SV2C: variants seen among roughly 807,000 people sequenced by gnomAD.
SV2C encodes solute carrier family 22 member B3.
SV2C carries 49 observed loss-of-function variants against 79.7 expected under a neutral mutation model. The ratio of observed to expected loss-of-function variants is 0.61; its 90% CI spans 0.49 to 0.78. The LOEUF (loss-of-function observed/expected upper bound fraction) is 0.78, where lower values mean the gene tolerates loss of function less well. Among genes scored for constraint, SV2C ranks in the 30% least tolerant of loss-of-function variants. The probability of loss-of-function intolerance (pLI) is 0.00; values close to 1 mark genes in which losing one functional copy is unlikely to be tolerated. For missense variants in SV2C, 833 were observed against 912.9 expected, an observed-to-expected ratio of 0.91 and a Z score of 1.13; for synonymous variants, 334 against 333.2, an observed-to-expected ratio of 1.00 and a Z score of -0.03.
the SV2C span, among the ~76,000 whole-genome samples, chr5:75,898,254 T>A: frequency 6.6e-6 from 1 of 152,130 alleles, no homozygotes; most frequent in Non-Finnish European, 1.5e-5. Context: ...TCAATATCTA[T>A]TTTATTGAGA....
the SV2C span, among the ~76,000 whole-genome samples, chr5:75,885,720 C>T: frequency 6.6e-6 from 1 of 152,152 alleles, no homozygotes; most frequent in South Asian, 2.1e-4. Context: ...AGCTAACATT[C>T]TTTTTTCTTG....
chr5:76,103,698 CTGTT>C (rs1219566583), intron 1 of SV2C, among the ~76,000 whole-genome samples: 7 of 152,182 alleles, frequency 4.6e-5, no homozygotes, highest in Non-Finnish European at 7.3e-5. Flanking sequence ...GGCACCTAGA[CTGTT>C]TGTATGCATT....
At chr5:76,309,072 C>A (rs1366407315) in intron 12 of SV2C, among the ~76,000 whole-genome samples, 2 of 151,804 alleles carry the variant, frequency 1.3e-5, no homozygotes, top group Admixed American at 1.3e-4. Flanking sequence ...TAGGTGATAA[C>A]CAGTCAAAAA....
intron 4 of SV2C, among the ~76,000 whole-genome samples, chr5:76,229,548 C>T (rs1323364363): frequency 6.6e-6 from 1 of 152,232 alleles, no homozygotes; most frequent in African/African-American, 2.4e-5. Context: ...TTCATGCTCA[C>T]CTGTACATAA....
At chr5:76,152,139 G>A (rs138019223) in intron 2 of SV2C, among the ~76,000 whole-genome samples, 4 of 152,320 alleles carry the variant, frequency 2.6e-5, no homozygotes, top group South Asian at 4.1e-4. Context: ...CTGAGGGGAC[G>A]GGGCTGAGAA....
At chr5:76,092,799 G>A (rs1006419686) in intron 1 of SV2C, among the ~76,000 whole-genome samples, 1 of 151,960 alleles carries the variant, frequency 6.6e-6, no homozygotes, top group African/African-American at 2.4e-5. Flanking sequence ...ATTTATCTGT[G>A]GAAAAGTCTC....
intron 2 of SV2C, among the ~76,000 whole-genome samples, chr5:76,147,987 G>A (rs1354727054): frequency 6.6e-6 from 1 of 151,588 alleles, no homozygotes; most frequent in Admixed American, 6.6e-5. Flanking sequence ...CATTTTAACT[G>A]CCCCTAATTC....
chr5:76,062,785 G>C, the SV2C span, among the ~76,000 whole-genome samples: 1 of 152,132 alleles, frequency 6.6e-6, no homozygotes, highest in Non-Finnish European at 1.5e-5. Context: ...AGTATCAAAA[G>C]TAATATTACA....
intron 12 of SV2C, among the ~76,000 whole-genome samples, chr5:76,321,729 G>A (rs1036192077): frequency 1.4e-4 from 21 of 146,844 alleles, no homozygotes; most frequent in South Asian, 8.7e-4. Context: ...TGACATGAGC[G>A]AGACCCTATC....
rs757157390 is a variant in SV2C, at chr5:76,195,110, C to T, written c.761+11C>T. On this transcript the variant is annotated intron_variant, in intron 3 of 12. Coordinates refer to ENST00000502798, the MANE Select transcript of SV2C (RefSeq NM_014979.4). ...ACTTTCTGGATTCGGGTAAGGTTTT[C>T]TCCTTCATATTTTATAGTAATGTGT... 2 of 1,610,746 alleles carry T rather than the reference C, an allele frequency of 1.2e-6. No individual in the cohort carries two copies. The highest frequency in any genetic ancestry group is 1.1e-5 in the South Asian group (1 of 90,484).
chr5:75,881,124 G>A, the SV2C span, among the ~76,000 whole-genome samples: 1 of 152,094 alleles, frequency 6.6e-6, no homozygotes, highest in East Asian at 1.9e-4. Context: ...CCATTCATGA[G>A]GAATCTGCCC....
chr5:75,924,567 C>T, the SV2C span, among the ~76,000 whole-genome samples: 1 of 152,136 alleles, frequency 6.6e-6, no homozygotes, highest in African/African-American at 2.4e-5. Flanking sequence ...CTACATCTTA[C>T]ATCTTAACTA....
the SV2C span, among the ~76,000 whole-genome samples, chr5:75,887,697 G>A: frequency 6.6e-6 from 1 of 151,938 alleles, no homozygotes; most frequent in Non-Finnish European, 1.5e-5. Context: ...ATGTATATAT[G>A]GTGGGACTTA....
chr5:75,926,408 A>G, the SV2C span, among the ~76,000 whole-genome samples: 2 of 152,352 alleles, frequency 1.3e-5, no homozygotes, highest in South Asian at 2.1e-4. Flanking sequence ...GAGCTTTGCT[A>G]CTGATAAAGT....
At chr5:76,011,327 T>C in the SV2C span, among the ~76,000 whole-genome samples, 14 of 152,134 alleles carry the variant, frequency 9.2e-5, no homozygotes, top group African/African-American at 3.1e-4. Context: ...CATTTAACCC[T>C]CAAAATAACT....
At chr5:75,966,411 A>G in the SV2C span, among the ~76,000 whole-genome samples, 4 of 152,188 alleles carry the variant, frequency 2.6e-5, no homozygotes, top group Admixed American at 2.6e-4. Context: ...AGACTGCAGG[A>G]CTTATTTCCT....
chr5:75,949,466 G>A, the SV2C span, among the ~76,000 whole-genome samples: 2 of 151,914 alleles, frequency 1.3e-5, no homozygotes, highest in African/African-American at 4.8e-5. Flanking sequence ...GAGAGATGGT[G>A]CTATGGTTTT....
chr5:75,906,169 A>C, the SV2C span, among the ~76,000 whole-genome samples: 1 of 152,036 alleles, frequency 6.6e-6, no homozygotes, highest in East Asian at 1.9e-4. Context: ...ACAACCAAAA[A>C]AGGCTTCTCT....
chr5:76,317,441 C>G (rs574862483), intron 12 of SV2C, among the ~76,000 whole-genome samples: 1 of 150,998 alleles, frequency 6.6e-6, no homozygotes, highest in Non-Finnish European at 1.5e-5. Flanking sequence ...CCACCCCCCC[C>G]AACACACACA....
Sources: allele counts gnomAD v4.1 joint callset (sites outside exome capture counted in the v4.1 genomes callset), GRCh38; gene constraint gnomAD v4.1.1; transcripts MANE v1.5; gene names NCBI Gene and HGNC (gene_info 2026-07-23, HGNC 2026-07-21).